Variants in KIF5C observed in about 807,000 individuals in gnomAD.
The protein encoded by KIF5C is kinesin heavy chain isoform 5C.
Under a neutral mutation model 125.2 loss-of-function variants are expected in KIF5C, and 18 were observed. The ratio of observed to expected loss-of-function variants is 0.14; its 90% CI spans 0.10 to 0.21. The LOEUF (loss-of-function observed/expected upper bound fraction) is 0.21, where lower values mean the gene tolerates loss of function less well. Among genes scored for constraint, KIF5C ranks in the 10% least tolerant of loss-of-function variants. KIF5C has a pLI of 1.00. For missense variants in KIF5C, 780 were observed against 1,183.8 expected (o/e 0.66, Z 5.01); for synonymous variants, 405 against 434.0 (o/e 0.93, Z 0.83).
At chr2:148,983,822 T>C (rs1330899836) in intron 15 of KIF5C, 56 bp downstream of exon 15, 18 of 1,497,240 alleles carry the variant, frequency 1.2e-5, no homozygotes, top group Non-Finnish European at 1.6e-5. Context: ...TAGTAGGGTC[T>C]GTGCTTTACT....
chr2:148,939,830 G>A lies in KIF5C; in HGVS notation c.397-1780G>A, dbSNP rs184383162. On this transcript the variant is annotated intron_variant, in intron 4 of 25. Transcript: ENST00000435030. ...GAGGTTTTAAACTTTATTTCTGAAC[G>A]TCCTATTTCTTAATGCCAAACAATG... Among the ~76,000 whole-genome samples, 7 of 152,254 alleles carry A rather than the reference G, an allele frequency of 4.6e-5. No individual in the cohort carries two copies. The South Asian group carries it at 8.3e-4, about 18-fold the overall frequency.
intron 15 of KIF5C, among the ~76,000 whole-genome samples, chr2:148,984,500 A>T (rs1455653054): frequency 6.6e-6 from 1 of 152,170 alleles, no homozygotes; most frequent in African/African-American, 2.4e-5. Flanking sequence ...CCAGAGGATT[A>T]TGCCTCATGG....
chr2:148,913,142 C>A (rs955184571), intron 1 of KIF5C, among the ~76,000 whole-genome samples: 2 of 152,182 alleles, frequency 1.3e-5, no homozygotes, highest in African/African-American at 4.8e-5. Context: ...CAAGCCATTG[C>A]ACTCTAGGTT....
At chr2:148,897,664 A>C (rs1433711044) in intron 1 of KIF5C, among the ~76,000 whole-genome samples, 1 of 151,702 alleles carries the variant, frequency 6.6e-6, no homozygotes, top group East Asian at 1.9e-4. Flanking sequence ...CACACCTGTA[A>C]CTCCAGTACT....
At chr2:148,967,297 G>A (rs1317238068) in intron 11 of KIF5C, among the ~76,000 whole-genome samples, 1 of 152,206 alleles carries the variant, frequency 6.6e-6, no homozygotes, top group Non-Finnish European at 1.5e-5. Flanking sequence ...AGAAGGATAC[G>A]AATGATTCGC....
chr2:148,883,999 C>A (rs1372307890), intron 1 of KIF5C: 1 of 152,204 alleles, frequency 6.6e-6, no homozygotes, highest in Non-Finnish European at 1.5e-5. Flanking sequence ...TTTATAGTCT[C>A]ACTTCTCTGC....
At chr2:149,017,956 G>A (rs766807308) in intron 25 of KIF5C, among the ~76,000 whole-genome samples, 2 of 152,140 alleles carry the variant, frequency 1.3e-5, no homozygotes, top group Non-Finnish European at 2.9e-5. Flanking sequence ...TGCGACCCCG[G>A]AGTGCGTTGC....
intron 2 of KIF5C, among the ~76,000 whole-genome samples, chr2:148,928,664 A>G (rs1484365877): frequency 6.6e-6 from 1 of 152,172 alleles, no homozygotes; most frequent in African/African-American, 2.4e-5. Context: ...GCTTGTTAGC[A>G]CTATCAGTGC....
At chr2:148,886,174 G>A (rs115668442) in intron 1 of KIF5C, 1 of 152,204 alleles carries the variant, frequency 6.6e-6, no homozygotes, top group Non-Finnish European at 1.5e-5. Flanking sequence ...TGCCAATCTG[G>A]TCAGTATCCA....
At chr2:148,949,155 A>G (rs1014175220) in intron 8 of KIF5C, among the ~76,000 whole-genome samples, 2 of 152,196 alleles carry the variant, frequency 1.3e-5, no homozygotes, top group Admixed American at 6.5e-5. Context: ...CTCTACCTAG[A>G]ATAAATGCTG....
rs774573599 is a variant in KIF5C, at chr2:148,946,889, T to G, written c.590-10T>G. The G allele has an allele frequency of 1.1e-5, 17 of 1,610,942 alleles. No individual in the cohort carries two copies. The highest frequency in any genetic ancestry group is 1.4e-5 in the Non-Finnish European group (17 of 1,179,320). ...TTCTTTGTAGAGCAGTAAACTATTT[T>G]CCTTTTCAGACATGAATGAACACAG... On this transcript the variant is annotated splice_polypyrimidine_tract_variant and intron_variant, in intron 7 of 25. Transcript: ENST00000435030.
At chr2:148,927,680 A>AT (rs1682056321) in intron 2 of KIF5C, among the ~76,000 whole-genome samples, 1 of 152,168 alleles carries the variant, frequency 6.6e-6, no homozygotes, top group South Asian at 2.1e-4. Flanking sequence ...CCCTCAAAGC[A>AT]TATCATATTC....
chr2:149,022,879 G>A (rs1287897493), intron 25 of KIF5C, among the ~76,000 whole-genome samples, 199 bp from the exon 26 acceptor site: 2 of 152,088 alleles, frequency 1.3e-5, no homozygotes, highest in Admixed American at 6.5e-5. Flanking sequence ...AGTCGATATC[G>A]CGCCACTGCA....
At chr2:148,903,166 T>C (rs953636638) in intron 1 of KIF5C, among the ~76,000 whole-genome samples, 7 of 152,202 alleles carry the variant, frequency 4.6e-5, no homozygotes, top group Non-Finnish European at 8.8e-5. Context: ...CTAGATTTCA[T>C]GGTATTCCAT....
At chr2:148,942,168 CT>C (rs1252863146) in intron 6 of KIF5C, among the ~76,000 whole-genome samples, 178 bp downstream of exon 6, 1 of 152,180 alleles carries the variant, frequency 6.6e-6, no homozygotes, top group African/African-American at 2.4e-5. Flanking sequence ...TCAATTGTAT[CT>C]TTCCTTTATG....
At chr2:148,899,437 C>T (rs575618004) in intron 1 of KIF5C, among the ~76,000 whole-genome samples, 23 of 152,196 alleles carry the variant, frequency 1.5e-4, no homozygotes, top group Admixed American at 1.0e-3. Context: ...CGTGGTGGCT[C>T]ATGCCTATAA....
chr2:148,914,554 G>T (rs540259537), intron 1 of KIF5C, among the ~76,000 whole-genome samples: 1 of 152,374 alleles, frequency 6.6e-6, no homozygotes, highest in East Asian at 1.9e-4. Flanking sequence ...CCGCAGGAAG[G>T]CTTACAAGAT....
intron 1 of KIF5C, among the ~76,000 whole-genome samples, chr2:148,905,567 C>T (rs1294397680): frequency 3.9e-5 from 6 of 152,032 alleles, no homozygotes; most frequent in Admixed American, 6.6e-5. Flanking sequence ...TTCCAAAAAG[C>T]TTAGTGTGTG....
chr2:149,002,598 C>T (rs573930090), intron 21 of KIF5C, among the ~76,000 whole-genome samples: 12 of 152,300 alleles, frequency 7.9e-5, no homozygotes, highest in Admixed American at 3.9e-4. Flanking sequence ...CAATCACTCT[C>T]GTGCAGTTCT....
Sources: allele counts gnomAD v4.1 joint callset (sites outside exome capture counted in the v4.1 genomes callset), GRCh38; gene constraint gnomAD v4.1.1; transcripts MANE v1.5; gene names NCBI Gene and HGNC (gene_info 2026-07-23, HGNC 2026-07-21).